Variants in MAPK10 observed in about 807,000 individuals in gnomAD.
MAPK10 encodes JNK3 alpha protein kinase.
Under a neutral mutation model 59.3 loss-of-function variants are expected in MAPK10, and 25 were observed. The observed-to-expected ratio is 0.42, with a 90% CI of 0.31 to 0.59. The LOEUF is 0.59. Among genes scored for constraint, MAPK10 ranks in the 20% least tolerant of loss-of-function variants. The pLI is 0.15. For missense variants in MAPK10, 351 were observed against 568.9 expected, an observed-to-expected ratio of 0.62 and a Z score of 3.90; for synonymous variants, 190 against 200.5, an observed-to-expected ratio of 0.95 and a Z score of 0.44.
chr4:86,085,383 C>T (rs1233209201), intron 9 of MAPK10, among the ~76,000 whole-genome samples: 1 of 151,990 alleles, frequency 6.6e-6, no homozygotes, highest in African/African-American at 2.4e-5. Context: ...ATATAAGGAG[C>T]TCAAACAACT....
At chr4:86,295,296 G>A (rs1442200120) in intron 2 of MAPK10, among the ~76,000 whole-genome samples, 1 of 152,084 alleles carries the variant, frequency 6.6e-6, no homozygotes, top group Admixed American at 6.6e-5. Flanking sequence ...CACCTCCTCA[G>A]GGGTATACTC....
chr4:86,373,916 A>T (rs1464920018), intron 1 of MAPK10, among the ~76,000 whole-genome samples: 1 of 152,186 alleles, frequency 6.6e-6, no homozygotes, highest in African/African-American at 2.4e-5. Context: ...TATATACCCA[A>T]AGGATTATAA....
At chr4:86,183,217 C>T (rs2077321352) in intron 3 of MAPK10, among the ~76,000 whole-genome samples, 4 of 151,714 alleles carry the variant, frequency 2.6e-5, no homozygotes, top group Non-Finnish European at 4.4e-5. Context: ...TATACATGTG[C>T]CATGTTGGTG....
At chr4:86,313,114 T>C (rs1290276519) in intron 2 of MAPK10, among the ~76,000 whole-genome samples, 1 of 152,112 alleles carries the variant, frequency 6.6e-6, no homozygotes, top group Non-Finnish European at 1.5e-5. Context: ...TAGATAGATA[T>C]ACTTTTTACA....
intron 2 of MAPK10, among the ~76,000 whole-genome samples, chr4:86,345,947 T>C (rs1727911766): frequency 6.6e-6 from 1 of 152,238 alleles, no homozygotes; most frequent in African/African-American, 2.4e-5. Context: ...TCATAACATT[T>C]CTGTTTGAAT....
intron 4 of MAPK10, among the ~76,000 whole-genome samples, chr4:86,155,238 C>T (rs1012271831): frequency 7.9e-5 from 12 of 151,822 alleles, no homozygotes; most frequent in African/African-American, 2.9e-4. Flanking sequence ...GCTGAACATG[C>T]CTGGCAATTT....
intron 2 of MAPK10, among the ~76,000 whole-genome samples, chr4:86,299,715 G>C (rs1323865387): frequency 6.6e-6 from 1 of 152,048 alleles, no homozygotes; most frequent in African/African-American, 2.4e-5. Flanking sequence ...GCAAATACTA[G>C]AAATTACTAT....
chr4:86,096,799 TAAGTA>T (rs1397414712), intron 9 of MAPK10, among the ~76,000 whole-genome samples: 6 of 152,112 alleles, frequency 3.9e-5, no homozygotes, highest in African/African-American at 7.2e-5. Context: ...AAACTATAGA[TAAGTA>T]AAGTGAAATA....
chr4:86,509,066 T>C (rs75450673), intron 1 of MAPK10, among the ~76,000 whole-genome samples: 7,351 of 152,236 alleles, frequency 0.048, 232 homozygotes, highest in African/African-American at 0.061. Flanking sequence ...TCTAAATCTG[T>C]TAACTTTTTC....
In MAPK10 at chr4:86,029,327, G is replaced by A. The variant is rs1209643022; in HGVS notation, c.1175-53C>T. 11 of 1,139,724 alleles carry A rather than the reference G, an allele frequency of 9.7e-6. No homozygotes were observed. The East Asian group carries it at 2.3e-4, about 24-fold the overall frequency. The allele number at this position is 1,139,724 out of a possible 1,614,324, so 70.6% of individuals were successfully genotyped here. On this transcript the variant is annotated intron_variant, in intron 12 of 13. Transcript: ENST00000641462. The stretch of plus-strand genomic sequence containing the variant: ...AAAACAAATTTATCCTTCATCCACA[G>A]GGAAATTCATTACTTAATGCCAAAT...
intron 1 of MAPK10, among the ~76,000 whole-genome samples, chr4:86,528,034 C>T (rs1413779920): frequency 6.6e-6 from 1 of 152,154 alleles, no homozygotes; most frequent in Non-Finnish European, 1.5e-5. Flanking sequence ...GACTGAAATA[C>T]TACCTATTAG....
intron 2 of MAPK10, among the ~76,000 whole-genome samples, chr4:86,218,847 T>C (rs886388448): frequency 2.6e-5 from 4 of 152,130 alleles, no homozygotes; most frequent in African/African-American, 9.7e-5. Context: ...AGCAACTGAT[T>C]TGTAGGGAAG....
At position 86,088,745 on chromosome 4, in the gene MAPK10, T is replaced by C. The variant is rs191802000; in HGVS notation, c.802+9779A>G. ...TTCACATCCATGCTCTCTGAATATATGTTAAAATAAACCAATTAGTATTTG... is the reference window on the plus strand; with the variant it reads ...TTCACATCCATGCTCTCTGAATATACGTTAAAATAAACCAATTAGTATTTG... On this transcript the variant is annotated intron_variant, in intron 9 of 13. Coordinates refer to ENST00000641462, the MANE Select transcript of MAPK10 (RefSeq NM_138982.4). Among the ~76,000 whole-genome samples, 57 of 152,306 alleles carry C rather than the reference T, an allele frequency of 3.7e-4. No individual in the cohort carries two copies. The East Asian group carries it at 9.5e-3, about 25-fold the overall frequency.
chr4:86,390,232 C>T (rs1416454961), intron 1 of MAPK10, among the ~76,000 whole-genome samples: 1 of 151,994 alleles, frequency 6.6e-6, no homozygotes, highest in Admixed American at 6.6e-5. Flanking sequence ...GATTGTATTT[C>T]TATGAGTTTT....
chr4:86,444,099 G>C (rs1749737374), intron 1 of MAPK10, among the ~76,000 whole-genome samples: 1 of 150,250 alleles, frequency 6.7e-6, no homozygotes, highest in Non-Finnish European at 1.5e-5. Context: ...AACTACAAAA[G>C]GTGTAATATA....
chr4:86,302,297 C>T (rs980304909), intron 2 of MAPK10, among the ~76,000 whole-genome samples: 18 of 152,176 alleles, frequency 1.2e-4, no homozygotes, highest in African/African-American at 3.6e-4. Context: ...ACAGGCAAAA[C>T]GCTCACTAGT....
intron 2 of MAPK10, among the ~76,000 whole-genome samples, chr4:86,232,794 G>A (rs1202709989): frequency 6.6e-6 from 1 of 152,200 alleles, no homozygotes; most frequent in African/African-American, 2.4e-5. Context: ...TACCTAGTAA[G>A]ACATGAAATC....
chr4:86,048,811 G>T (rs953044617), intron 11 of MAPK10, among the ~76,000 whole-genome samples: 6 of 152,064 alleles, frequency 3.9e-5, no homozygotes, highest in Non-Finnish European at 7.4e-5. Context: ...AGGTTGAAAT[G>T]TAATAATTTT....
chr4:86,183,802 T>C (rs952310435), intron 3 of MAPK10, among the ~76,000 whole-genome samples: 7 of 152,298 alleles, frequency 4.6e-5, no homozygotes, highest in East Asian at 1.9e-4. Flanking sequence ...CCAGCACCTG[T>C]TGTTTCCTGA....
Sources: gnomAD v4.1 joint callset for allele counts (sites outside exome capture counted in the v4.1 genomes callset) on GRCh38, gnomAD v4.1.1 for gene constraint, MANE v1.5 for transcripts, NCBI Gene and HGNC (gene_info 2026-07-23, HGNC 2026-07-21) for gene names.